The following ASMTL variants were observed in gnomAD, a reference collection of about 807,000 sequenced individuals.
The protein encoded by ASMTL is probable bifunctional dTTP/UTP pyrophosphatase/methyltransferase protein.
In ASMTL, 57 loss-of-function variants were observed where a neutral mutation model predicts 60.3. The ratio of observed to expected loss-of-function variants is 0.95; its 90% CI spans 0.76 to 1.18. The LOEUF (loss-of-function observed/expected upper bound fraction) is 1.18, where lower values mean the gene tolerates loss of function less well. ASMTL is among the 50% of genes most tolerant of loss of function. The probability of loss-of-function intolerance (pLI) is 0.00; values close to 1 mark genes in which losing one functional copy is unlikely to be tolerated. For synonymous variants in ASMTL, 419 were observed against 373.0 expected (o/e 1.12, Z -1.42); for missense variants, 981 against 852.6 (o/e 1.15, Z -1.88).
chrX:1,432,214 G>A, intron 6 of ASMTL, 55 bp downstream of exon 6: 1 of 1,424,488 alleles, frequency 7.0e-7, no homozygotes. Context: ...CCACGTGTGA[G>A]GGTGGCCAGG....
Position 1,430,644 on chromosome X carries a change from C to T in ASMTL, c.509+1625G>A, listed in dbSNP as rs752282655. Among the ~76,000 whole-genome samples, 13 of 151,644 alleles carry T rather than the reference C, an allele frequency of 8.6e-5. 1 individual carries two copies. Among genetic ancestry groups the T allele is most frequent in the African/African-American group, 3.1e-4 (13 of 41,382 alleles). Reference sequence around the variant, plus strand: ...AAAATTAGCCAGGCGTGGTGGTATGCGTCTGCAGACCCAGCCACTAGTGGG... The same window carrying T: ...AAAATTAGCCAGGCGTGGTGGTATGTGTCTGCAGACCCAGCCACTAGTGGG... On this transcript the variant is annotated intron_variant, in intron 6 of 12. Transcript: ENST00000381317.
chrX:1,421,923 T>G, intron 8 of ASMTL, 81 bp from the exon 9 acceptor site: 1 of 1,364,924 alleles, frequency 7.3e-7, no homozygotes, highest in Non-Finnish European at 1.0e-6. Context: ...ATCATTGAGA[T>G]GTTAAAATAA....
chrX:1,428,666 T>TAAATAAATAAATAAATAAATAAAA (rs1416455837), intron 6 of ASMTL, among the ~76,000 whole-genome samples: 1 of 150,556 alleles, frequency 6.6e-6, no homozygotes, highest in African/African-American at 2.4e-5. Flanking sequence ...AATAAATAAA[T>TAAATAAATAAATAAATAAATAAAA]AAAATTTCAT....
chrX:1,447,643 G>C (rs867936478), intron 1 of ASMTL, among the ~76,000 whole-genome samples: 266 of 115,858 alleles, frequency 2.3e-3, no homozygotes, highest in Middle Eastern at 0.015. Flanking sequence ...CCATCTTGGA[G>C]ACACACCATC....
At position 1,432,300 on chromosome X, in the gene ASMTL, G is replaced by A. The variant is rs769422981; in HGVS notation, c.478C>T (p.Leu160Phe). ...TCCCCGCTGTGGACGTATTCCCAGAGCAGCTCCTCGGACAGCTCCGAGAAC... is the reference window on the plus strand; with the variant it reads ...TCCCCGCTGTGGACGTATTCCCAGAACAGCTCCTCGGACAGCTCCGAGAAC... The part of the protein sequence containing the change: ...VKFSELSEEL[L>F]WEYVHSGEPM... Residue 160 changes from leucine (L) to phenylalanine (F), a missense_variant, in exon 6 of 13, where the codon CTC becomes TTC. Leu to Phe is a conservative substitution (Grantham distance 22). Coordinates refer to ENST00000381317, the MANE Select transcript of ASMTL (RefSeq NM_004192.4). 1.2e-6 allele frequency: 2 copies of A among 1,612,758 alleles called. No individual in the cohort carries two copies. The highest frequency in any genetic ancestry group is 1.1e-5 in the South Asian group (1 of 90,978).
intron 1 of ASMTL, 109 bp from the exon 2 acceptor site, chrX:1,442,426 C>T: frequency 7.7e-7 from 1 of 1,294,230 alleles, no homozygotes; most frequent in African/African-American, 1.5e-5. Flanking sequence ...ACTCCCCGAC[C>T]CTGTCCCAGG....
Position 1,435,010 on chromosome X carries a change from G to T in ASMTL, c.400+12C>A. 1 of 1,613,590 alleles carries T rather than the reference G, an allele frequency of 6.2e-7. No individual in the cohort carries two copies. Among genetic ancestry groups the T allele is most frequent in the Non-Finnish European group, 8.5e-7 (1 of 1,179,832 alleles). On this transcript the variant is annotated intron_variant, in intron 5 of 12. Transcript: ENST00000381317. ...GCCTCTGGGGCTACCCCGAAACCTG[G>T]GCCGCGGTTACCTTTGCTGGAGCAG... is the stretch of plus-strand genomic sequence containing the variant.
At chrX:1,426,392 G>A (rs1189533724) in intron 7 of ASMTL, among the ~76,000 whole-genome samples, 1 of 152,122 alleles carries the variant, frequency 6.6e-6, no homozygotes, top group Non-Finnish European at 1.5e-5. Flanking sequence ...AATGGCAGGA[G>A]GTGTCATCAG....
At chrX:1,432,203 C>T in intron 6 of ASMTL, 66 bp downstream of exon 6, 3 of 1,338,444 alleles carry the variant, frequency 2.2e-6, no homozygotes, top group Non-Finnish European at 3.2e-6. Context: ...GGTGGGACAC[C>T]CCACGTGTGA....
At chrX:1,430,880 AATATATTTTATATAATT>A (rs1466412701) in intron 6 of ASMTL, among the ~76,000 whole-genome samples, 2 of 135,234 alleles carry the variant, frequency 1.5e-5, no homozygotes, top group African/African-American at 5.9e-5. Context: ...ATAATATAAA[AATATATTTTATATAATT>A]ATATATTTAT....
intron 1 of ASMTL, among the ~76,000 whole-genome samples, chrX:1,451,224 G>A (rs569901824): frequency 7.7e-6 from 1 of 129,494 alleles, no homozygotes; most frequent in East Asian, 2.5e-4. Flanking sequence ...GGGGTCCCAG[G>A]TCACTCTCCC....
Position 1,428,106 on chromosome X carries a change from G to A in ASMTL, c.525C>T (p.Gly175=). The A allele has an allele frequency of 6.2e-7, 1 of 1,605,094 alleles. No individual in the cohort carries two copies. The highest frequency in any genetic ancestry group is 8.5e-7 in the Non-Finnish European group (1 of 1,172,996). Residue 175 remains glycine (G), a synonymous_variant, in exon 7 of 13, where the codon GGC becomes GGT. Transcript: ENST00000381317. ...HSGEPMDKAG[G]YGIQALGGML... ...TGCCGCCCAGGGCCTGGATCCCGTA[G>A]CCGCCAGCTTTGTCCCTGGGTGGGC... is the stretch of plus-strand genomic sequence containing the variant.
chrX:1,412,962 GA>G, intron 11 of ASMTL, 108 bp from the exon 12 acceptor site: 1 of 1,272,164 alleles, frequency 7.9e-7, no homozygotes, highest in Non-Finnish European at 1.1e-6. Flanking sequence ...ACAGAGAAGA[GA>G]GGGGTGTGGG....
intron 6 of ASMTL, chrX:1,431,979 C>T (rs780676849): frequency 4.2e-6 from 2 of 476,462 alleles, no homozygotes; most frequent in Admixed American, 7.3e-5. Flanking sequence ...CTCCTCCTCC[C>T]ACCACGTGAA....
chrX:1,423,573 T>A (rs1475014602), intron 8 of ASMTL, among the ~76,000 whole-genome samples: 1 of 148,552 alleles, frequency 6.7e-6, no homozygotes, highest in African/African-American at 2.5e-5. Flanking sequence ...CCCATCCAGT[T>A]ATCCACTCAC....
At chrX:1,434,342 G>C (rs56253890) in intron 5 of ASMTL, among the ~76,000 whole-genome samples, 2,101 of 151,828 alleles carry the variant, frequency 0.014, 30 homozygotes, top group Admixed American at 0.028. Flanking sequence ...ATACAAAAAT[G>C]AGCCAGGTGT....
chrX:1,438,924 G>T, intron 3 of ASMTL, 173 bp downstream of exon 3: 1 of 231,396 alleles, frequency 4.3e-6, no homozygotes, highest in Non-Finnish European at 7.1e-6. Flanking sequence ...ACGGCGCCTG[G>T]CCCCTTCCCG....
Position 1,408,123 on chromosome X carries a change from C to A in ASMTL, c.1645+4609G>T, listed in dbSNP as rs371572618. ...GGCTGAGGCAGGAGGATCGCTTGAGCGCAGGAGGTCAAGGCTGCAGTGAAC... is the reference window on the plus strand; with the variant it reads ...GGCTGAGGCAGGAGGATCGCTTGAGAGCAGGAGGTCAAGGCTGCAGTGAAC... On this transcript the variant is annotated intron_variant, in intron 12 of 12. Transcript: ENST00000381317. Among the ~76,000 whole-genome samples, 45 of 95,846 alleles carry A rather than the reference C, an allele frequency of 4.7e-4. No homozygotes were observed. In the East Asian group the frequency reaches 7.5e-3, roughly 16 times the overall value. The allele number at this position is 95,846 out of a possible 152,430, so 62.9% of individuals were successfully genotyped here. A position where few individuals can be genotyped will look rare whatever the true frequency, so the allele number is the denominator to read the frequency against.
At chrX:1,424,869 T>G (rs112762329) in intron 8 of ASMTL, among the ~76,000 whole-genome samples, 1 of 48,020 alleles carries the variant, frequency 2.1e-5, no homozygotes. Flanking sequence ...CACCCACCCA[T>G]CCATCCACCC....
Sources: gnomAD v4.1 joint callset for allele counts (sites outside exome capture counted in the v4.1 genomes callset) on GRCh38, gnomAD v4.1.1 for gene constraint, MANE v1.5 for transcripts, NCBI Gene and HGNC (gene_info 2026-07-23, HGNC 2026-07-21) for gene names.